The following OSBPL10 variants were observed in gnomAD, a reference collection of about 807,000 sequenced individuals.
The protein encoded by OSBPL10 is oxysterol binding protein like 10.
OSBPL10 carries 49 observed loss-of-function variants against 81.7 expected under a neutral mutation model. The ratio of observed to expected loss-of-function variants is 0.60; its 90% CI spans 0.48 to 0.76. OSBPL10 has a LOEUF of 0.76. Ranked by LOEUF, OSBPL10 falls within the 30% of genes least tolerant of loss-of-function variation. The pLI, the probability that OSBPL10 is intolerant of heterozygous loss-of-function variation, is 0.00. For missense variants in OSBPL10, 923 were observed against 987.8 expected, an observed-to-expected ratio of 0.93 and a Z score of 0.88; for synonymous variants, 419 against 383.6, an observed-to-expected ratio of 1.09 and a Z score of -1.08.
chr3:31,683,644 C>A lies in OSBPL10; in HGVS notation c.1716G>T (p.Met572Ile). The change falls in exon 8 of 12, where the codon ATG becomes ATT. Residue 572 changes from methionine (M) to isoleucine (I), a missense_variant. This residue lies in a region of OSBPL10 where 387 missense variants were observed against 436.3 expected (regional missense o/e 0.89). Transcript: ENST00000396556. ...TACGACATGGCTTACCTTCCCCTATCATAGAGACCCCCACGGACATGCCCA... is the reference window on the plus strand; with the variant it reads ...TACGACATGGCTTACCTTCCCCTATAATAGAGACCCCCACGGACATGCCCA... ...KFMGMSVGVS[M>I]IGEGVLRLLE... The A allele has an allele frequency of 1.2e-6, 2 of 1,610,778 alleles. No individual in the cohort carries two copies. Among genetic ancestry groups the A allele is most frequent in the South Asian group, 1.1e-5 (1 of 91,038 alleles).
Position 31,683,756 on chromosome 3 carries a change from T to G in OSBPL10, c.1604A>C (p.His535Pro). Residue 535 changes from histidine (H) to proline (P), a missense_variant, in exon 8 of 12, where the codon CAT becomes CCT. Transcript: ENST00000396556. ...GTAGAAGCAGGAGATGGGTGGGTGA[T>G]GGGACACTTGCTCAGCCACAAACCT... ...KLRFVAEQVSHHPPISCFYCE... is the reference protein window; with the variant it reads ...KLRFVAEQVSPHPPISCFYCE... 6.2e-7 allele frequency: 1 copy of G among 1,614,186 alleles called. No homozygotes were observed. The highest frequency in any genetic ancestry group is 1.1e-5 in the South Asian group (1 of 91,082).
chr3:31,965,642 TA>T lies in OSBPL10; in HGVS notation c.281+15256del, dbSNP rs549447140. Among the ~76,000 whole-genome samples, 4 of 76,194 alleles carry T rather than the reference TA, an allele frequency of 5.2e-5. 1 individual carries two copies. Among genetic ancestry groups the T allele is most frequent in the African/African-American group, 2.1e-4 (4 of 19,020 alleles). 50.0% of individuals were successfully genotyped at this position (76,194 alleles called of 152,430 possible). A position where few individuals can be genotyped will look rare whatever the true frequency, so the allele number is the denominator to read the frequency against. On this transcript the variant is annotated intron_variant, in intron 1 of 11. Coordinates refer to ENST00000396556, the MANE Select transcript of OSBPL10 (RefSeq NM_017784.5). ...ATTATATATTATATAATATATTATA[TA>T]AATTATATATTATATATTATATATT...
intron 4 of OSBPL10, 66 bp downstream of exon 4, chr3:31,829,974 G>C (rs1283395513): frequency 4.1e-6 from 6 of 1,450,268 alleles, no homozygotes; most frequent in Middle Eastern, 2.5e-4. Flanking sequence ...AGAGGAGTCG[G>C]CAGAGCGACT....
chr3:31,809,159 A>G (rs1699600485), intron 4 of OSBPL10, among the ~76,000 whole-genome samples: 1 of 152,214 alleles, frequency 6.6e-6, no homozygotes, highest in African/African-American at 2.4e-5. Context: ...CAAAATGATC[A>G]ATATTCGCAA....
intron 1 of OSBPL10, among the ~76,000 whole-genome samples, chr3:31,924,276 T>TGACTCTGGAGTGGAAAAGGAAAGG (rs1478449901): frequency 6.6e-6 from 1 of 151,614 alleles, no homozygotes; most frequent in African/African-American, 2.4e-5. Context: ...CTTACGGCAT[T>TGACTCTGGAGTGGAAAAGGAAAGG]GACTCTGGAG....
At chr3:32,006,915 T>C (rs1288387990) in intron 2 of OSBPL10, among the ~76,000 whole-genome samples, 2 of 152,148 alleles carry the variant, frequency 1.3e-5, no homozygotes, top group Non-Finnish European at 2.9e-5. Context: ...TCTATAGACA[T>C]TTTATTTATT....
intron 6 of OSBPL10, among the ~76,000 whole-genome samples, chr3:31,709,535 C>T (rs375612743): frequency 2.2e-4 from 34 of 151,980 alleles, no homozygotes; most frequent in East Asian, 9.6e-4. Flanking sequence ...TGTCTAATTT[C>T]TACATTTCTG....
At chr3:32,055,144 C>A (rs1395175788) in intron 1 of OSBPL10, among the ~76,000 whole-genome samples, 1 of 142,948 alleles carries the variant, frequency 7.0e-6, no homozygotes, top group East Asian at 2.0e-4. Flanking sequence ...TTTGCTGATC[C>A]TTTGTTTTGT....
chr3:31,889,819 G>A (rs1331597558), intron 1 of OSBPL10, among the ~76,000 whole-genome samples: 1 of 152,160 alleles, frequency 6.6e-6, no homozygotes, highest in Non-Finnish European at 1.5e-5. Flanking sequence ...CCAGCACAAA[G>A]AAATGATAAA....
chr3:31,974,610 T>A (rs558460943), intron 1 of OSBPL10, among the ~76,000 whole-genome samples: 5 of 151,682 alleles, frequency 3.3e-5, no homozygotes, highest in Non-Finnish European at 7.4e-5. Flanking sequence ...CTCCCAAACA[T>A]AACGTTAAGA....
intron 3 of OSBPL10, among the ~76,000 whole-genome samples, chr3:31,871,141 A>G (rs1371496389): frequency 2.0e-5 from 3 of 152,130 alleles, no homozygotes. Context: ...TGCACTGTAG[A>G]AGGTTTGTTC....
intron 1 of OSBPL10, among the ~76,000 whole-genome samples, chr3:31,978,138 A>G (rs957615532): frequency 6.6e-6 from 1 of 152,212 alleles, no homozygotes; most frequent in African/African-American, 2.4e-5. Flanking sequence ...GGTGATTGGT[A>G]TTAAGTCCTG....
chr3:32,034,442 G>GAAAAAAA (rs34903839), intron 2 of OSBPL10, among the ~76,000 whole-genome samples: 1 of 130,454 alleles, frequency 7.7e-6, no homozygotes, highest in Non-Finnish European at 1.6e-5. Context: ...CCCTGTAGCG[G>GAAAAAAA]AAAAAAAAAA....
intron 1 of OSBPL10, among the ~76,000 whole-genome samples, chr3:31,954,605 T>C (rs1697956991): frequency 6.6e-6 from 1 of 152,044 alleles, no homozygotes; most frequent in Non-Finnish European, 1.5e-5. Flanking sequence ...GGAAGGATGG[T>C]GGTTGCCTGG....
At chr3:31,757,596 G>C (rs372569477) in intron 4 of OSBPL10, among the ~76,000 whole-genome samples, 1 of 152,300 alleles carries the variant, frequency 6.6e-6, no homozygotes, top group East Asian at 1.9e-4. Flanking sequence ...AGTAAACTAA[G>C]AAACACATCA....
chr3:31,984,519 G>A (rs1698906473), upstream of OSBPL10, among the ~76,000 whole-genome samples: 1 of 152,086 alleles, frequency 6.6e-6, no homozygotes, highest in African/African-American at 2.4e-5. Context: ...CTGGGTGGTG[G>A]CAACTGGTCC....
At chr3:31,662,989 T>G in intron 11 of OSBPL10, 2 of 985,424 alleles carry the variant, frequency 2.0e-6, no homozygotes, top group Non-Finnish European at 2.4e-6. Flanking sequence ...GAATCCAACC[T>G]TGAAATCTCC....
At chr3:31,887,313 A>G (rs1211945505) in intron 1 of OSBPL10, among the ~76,000 whole-genome samples, 1 of 152,246 alleles carries the variant, frequency 6.6e-6, no homozygotes, top group Non-Finnish European at 1.5e-5. Context: ...CACACTCAGT[A>G]TGTGAAGTGG....
intron 10 of OSBPL10, among the ~76,000 whole-genome samples, chr3:31,667,681 G>A (rs1700226769): frequency 6.6e-6 from 1 of 152,198 alleles, no homozygotes; most frequent in Non-Finnish European, 1.5e-5. Context: ...AACATTTTAG[G>A]CTTTGCAGGC....
Sources: allele counts gnomAD v4.1 joint callset (sites outside exome capture counted in the v4.1 genomes callset), GRCh38; gene constraint gnomAD v4.1.1; regional missense constraint gnomAD v4.1.1; transcripts MANE v1.5; gene names NCBI Gene and HGNC (gene_info 2026-07-23, HGNC 2026-07-21).